Variants in PDE6C observed in about 807,000 individuals in gnomAD.
PDE6C encodes the protein phosphodiesterase 6C.
A neutral mutation model predicts 113.1 loss-of-function variants in PDE6C; 75 were observed. The ratio of observed to expected loss-of-function variants is 0.66; its 90% CI spans 0.55 to 0.80. PDE6C has a LOEUF of 0.80. PDE6C is among the 30% of genes least tolerant of loss of function. The pLI is 0.00. For synonymous variants in PDE6C, 375 were observed against 363.7 expected, an observed-to-expected ratio of 1.03 and a Z score of -0.35; for missense variants, 912 against 1,038.6, an observed-to-expected ratio of 0.88 and a Z score of 1.67.
chr10:93,652,527 G>T (rs528345915), intron 15 of PDE6C, among the ~76,000 whole-genome samples: 6 of 152,296 alleles, frequency 3.9e-5, no homozygotes, highest in Admixed American at 2.6e-4. Flanking sequence ...TACTGAAATG[G>T]TGACTATAAA....
intron 14 of PDE6C, among the ~76,000 whole-genome samples, chr10:93,642,364 G>A (rs559878095): frequency 8.5e-5 from 13 of 152,104 alleles, no homozygotes; most frequent in African/African-American, 2.2e-4. Flanking sequence ...ACTCAGTCTC[G>A]GAAAATAAAT....
In PDE6C at chr10:93,620,804, T is replaced by G. The variant is rs760499577; in HGVS notation, c.633+20T>G. 6.2e-7 allele frequency: 1 copy of G among 1,614,116 alleles called. No individual in the cohort carries two copies. The highest frequency in any genetic ancestry group is 1.3e-5 in the African/African-American group (1 of 75,030). ...GAAGAGGTAATGCTAACCCTGGGCA[T>G]CTGGTTGGAGGCTCAGGAAATTTAT... is the stretch of plus-strand genomic sequence containing the variant. On this transcript the variant is annotated intron_variant, in intron 2 of 21. Transcript: ENST00000371447.
rs576776532 is a variant in PDE6C, at chr10:93,615,170, G to A, written c.480+1965G>A. On this transcript the variant is annotated intron_variant, in intron 1 of 21. Coordinates refer to ENST00000371447, the MANE Select transcript of PDE6C (RefSeq NM_006204.4). ...AGCCAGGCATGGTGGTGTGTGCCTGGAGTCCCAGCTACTTGGAAGGTTGAG... is the reference window on the plus strand; with the variant it reads ...AGCCAGGCATGGTGGTGTGTGCCTGAAGTCCCAGCTACTTGGAAGGTTGAG... 5.9e-5 allele frequency among the ~76,000 whole-genome samples: 9 copies of A among 152,168 alleles called. No individual in the cohort carries two copies. The South Asian group carries it at 1.2e-3, about 21-fold the overall frequency.
chr10:93,615,034 G>A (rs1003628416), intron 1 of PDE6C, among the ~76,000 whole-genome samples: 1 of 152,264 alleles, frequency 6.6e-6, no homozygotes, highest in Non-Finnish European at 1.5e-5. Context: ...GCTCACGCCT[G>A]TAATCCCAGC....
chr10:93,657,366 T>G (rs2058643487), intron 16 of PDE6C, among the ~76,000 whole-genome samples: 1 of 119,756 alleles, frequency 8.4e-6, no homozygotes. Flanking sequence ...TGTATTTTAG[T>G]AGAGATGGGG....
Position 93,625,652 on chromosome 10 carries a change from A to C in PDE6C, c.939+3A>C. On this transcript the variant is annotated splice_donor_region_variant and intron_variant, in intron 5 of 21. Transcript: ENST00000371447. The stretch of plus-strand genomic sequence containing the variant: ...GTCCAAAGACACCTGATGGCAGGGT[A>C]CGTGCAAATGTCTTCCTTGATGCCA... The C allele has an allele frequency of 6.2e-7, 1 of 1,603,924 alleles. No homozygotes were observed. The highest frequency in any genetic ancestry group is 8.5e-7 in the Non-Finnish European group (1 of 1,170,756).
chr10:93,628,382 C>T (rs1006941564), intron 7 of PDE6C, among the ~76,000 whole-genome samples: 5 of 152,012 alleles, frequency 3.3e-5, no homozygotes, highest in African/African-American at 1.2e-4. Context: ...GTCAAGAGTT[C>T]GAGACCAGCC....
At position 93,658,998 on chromosome 10, in the gene PDE6C, GAGA is replaced by G; in HGVS notation, c.2135_2137del (p.Glu712_Ile713delinsVal). On this transcript the variant is annotated inframe_deletion, in exon 17 of 22. Coordinates refer to ENST00000371447, the MANE Select transcript of PDE6C (RefSeq NM_006204.4). ...TGTAACTGTTGATCCAACCAAGAAA[GAGA>G]TTATCATGTAGGTAGTTGAAATTGT... The G allele has an allele frequency of 6.2e-7, 1 of 1,602,258 alleles. No individual in the cohort carries two copies.
intron 15 of PDE6C, 137 bp from the exon 16 acceptor site, chr10:93,655,623 A>C (rs1040348323): frequency 1.2e-4 from 64 of 547,752 alleles, no homozygotes; most frequent in African/African-American, 1.0e-3. Context: ...AAAAAAAAAA[A>C]AAAAAGGAAG....
rs573809057 is a variant in PDE6C at position 93,637,068 on chromosome 10, G to C, written c.1482+5G>C. The C allele has an allele frequency of 6.5e-7, 1 of 1,544,880 alleles. No homozygotes were observed. The highest frequency in any genetic ancestry group is 1.4e-5 in the African/African-American group (1 of 73,740). On this transcript the variant is annotated splice_donor_5th_base_variant and intron_variant, in intron 11 of 21. Coordinates refer to ENST00000371447, the MANE Select transcript of PDE6C (RefSeq NM_006204.4). ...AAACAACTTGTTGCAATTTTGGTAA[G>C]TGTTTTCTTTCTAACCTTAATGCCT...
At chr10:93,640,307 AT>A in intron 12 of PDE6C, 91 bp downstream of exon 12, 1 of 1,355,098 alleles carries the variant, frequency 7.4e-7, no homozygotes, top group Non-Finnish European at 1.1e-6. Context: ...CTCAGTTTGA[AT>A]TTTAAATTAT....
chr10:93,657,328 ATTTTTTTTT>A (rs71031526), intron 16 of PDE6C, among the ~76,000 whole-genome samples: 1,365 of 88,322 alleles, frequency 0.015, 9 homozygotes, highest in African/African-American at 0.042. Flanking sequence ...CGCCTGGCTA[ATTTTTTTTT>A]TTTTTTTTTT....
rs377177733 is a variant in PDE6C at position 93,662,191 on chromosome 10, G to A, written c.2283+58G>A. The A allele has an allele frequency of 2.1e-4, 238 of 1,126,004 alleles. No individual in the cohort carries two copies. The African/African-American group carries it at 2.4e-3, about 11-fold the overall frequency. 69.8% of individuals were successfully genotyped at this position (1,126,004 alleles called of 1,614,324 possible). A position where few individuals can be genotyped will look rare whatever the true frequency, so the allele number is the denominator to read the frequency against. ...TAAAAGTTATCAGGACAGGCCGGGC[G>A]CGGTGGCTCACACCTGTAATCCCAG... is the stretch of plus-strand genomic sequence containing the variant. On this transcript the variant is annotated intron_variant, in intron 19 of 21. Coordinates refer to ENST00000371447, the MANE Select transcript of PDE6C (RefSeq NM_006204.4).
At chr10:93,644,126 C>T (rs563054146) in intron 14 of PDE6C, among the ~76,000 whole-genome samples, 37 of 152,272 alleles carry the variant, frequency 2.4e-4, no homozygotes, top group African/African-American at 5.1e-4. Flanking sequence ...TCAGACTAAA[C>T]ATTTTTTTGG....
intron 11 of PDE6C, among the ~76,000 whole-genome samples, 194 bp downstream of exon 11, chr10:93,637,257 T>C (rs928268339): frequency 1.3e-5 from 2 of 152,214 alleles, no homozygotes; most frequent in Non-Finnish European, 2.9e-5. Context: ...CTTTGTCGCC[T>C]CTGGTCCAAT....
chr10:93,662,098 G>C lies in PDE6C; in HGVS notation c.2248G>C (p.Asp750His), dbSNP rs2058668365. Residue 750 changes from aspartate (D) to histidine (H), a missense_variant, in exon 19 of 22, where the codon GAT (aspartate) becomes CAT (histidine). By Grantham distance (81) the Asp-to-His change is moderately conservative. Coordinates refer to ENST00000371447, the MANE Select transcript of PDE6C (RefSeq NM_006204.4). ...TGCAAATGAATTTTGGGAACAAGGA[G>C]ATCTGGAGAGAACAGTGTTGCAGCA... ...MVANEFWEQG[D>H]LERTVLQQQP... The C allele has an allele frequency of 1.2e-6, 2 of 1,609,704 alleles. No homozygotes were observed. The highest frequency in any genetic ancestry group is 1.7e-6 in the Non-Finnish European group (2 of 1,176,066).
chr10:93,632,086 C>T (rs970829422), intron 8 of PDE6C, among the ~76,000 whole-genome samples: 2 of 152,160 alleles, frequency 1.3e-5, no homozygotes, highest in Non-Finnish European at 2.9e-5. Context: ...GTGACCCTTC[C>T]CCTGGCAGAG....
At chr10:93,658,180 A>G (rs1445388497) in intron 16 of PDE6C, among the ~76,000 whole-genome samples, 1 of 144,898 alleles carries the variant, frequency 6.9e-6, no homozygotes, top group Non-Finnish European at 1.5e-5. Flanking sequence ...AAAAAAAAAA[A>G]AAAAAAAAAA....
intron 10 of PDE6C, 147 bp downstream of exon 10, chr10:93,635,787 A>G: frequency 1.2e-6 from 1 of 849,280 alleles, no homozygotes; most frequent in Admixed American, 2.0e-5. Flanking sequence ...TTGGAAGAAG[A>G]CATGGATGGC....
Sources: allele counts gnomAD v4.1 joint callset (sites outside exome capture counted in the v4.1 genomes callset), GRCh38; gene constraint gnomAD v4.1.1; transcripts MANE v1.5; gene names NCBI Gene and HGNC (gene_info 2026-07-23, HGNC 2026-07-21).